The following RAB28 variants were observed in gnomAD, a reference collection of about 807,000 sequenced individuals.
The protein encoded by RAB28 is RAB28, member RAS oncogene family.
In RAB28, 24 loss-of-function variants were observed where a neutral mutation model predicts 31.7. The ratio of observed to expected loss-of-function variants is 0.76; its 90% confidence interval spans 0.55 to 1.06. The LOEUF is 1.06. RAB28 is among the 50% of genes least tolerant of loss of function. RAB28 has a pLI of 0.00. For missense variants in RAB28, 254 were observed against 258.5 expected (o/e 0.98, Z 0.12); for synonymous variants, 100 against 90.4 (o/e 1.11, Z -0.60).
chr4:13,459,098 G>C (rs1477271947), intron 4 of RAB28, among the ~76,000 whole-genome samples: 1 of 152,130 alleles, frequency 6.6e-6, no homozygotes. Context: ...TTTTTCCTGT[G>C]CTGGATGCTT....
intron 4 of RAB28, among the ~76,000 whole-genome samples, chr4:13,411,177 A>G (rs2108909497): frequency 6.6e-6 from 1 of 152,266 alleles, no homozygotes; most frequent in South Asian, 2.1e-4. Context: ...ACAACAGAAC[A>G]ATGACTATAG....
intron 3 of RAB28, among the ~76,000 whole-genome samples, chr4:13,469,232 G>A (rs1716006911): frequency 6.6e-6 from 1 of 151,956 alleles, no homozygotes; most frequent in African/African-American, 2.4e-5. Context: ...GGGAACTCCT[G>A]GATCTAATTT....
intron 5 of RAB28, among the ~76,000 whole-genome samples, chr4:13,378,984 G>A (rs1352036596): frequency 1.3e-5 from 2 of 152,022 alleles, no homozygotes; most frequent in East Asian, 3.9e-4. Flanking sequence ...ACTGAGGCGG[G>A]TGAATCACGA....
At chr4:13,425,538 T>C (rs943415666) in intron 4 of RAB28, among the ~76,000 whole-genome samples, 1 of 152,150 alleles carries the variant, frequency 6.6e-6, no homozygotes, top group Non-Finnish European at 1.5e-5. Context: ...ATTAAAGTTG[T>C]GGCTGGGTGT....
At chr4:13,383,020 G>GT (rs113850865) in intron 4 of RAB28, among the ~76,000 whole-genome samples, 9 of 151,366 alleles carry the variant, frequency 5.9e-5, no homozygotes, top group South Asian at 2.1e-4. Context: ...GCTTTGTTTT[G>GT]TTTTTTTTGC....
intron 6 of RAB28, chr4:13,370,120 C>G: frequency 4.1e-6 from 4 of 977,266 alleles, no homozygotes; most frequent in Non-Finnish European, 4.9e-6. Context: ...CACACACACA[C>G]GCACACACAA....
intron 4 of RAB28, among the ~76,000 whole-genome samples, chr4:13,389,002 A>T (rs1729507687): frequency 6.6e-6 from 1 of 152,230 alleles, no homozygotes; most frequent in African/African-American, 2.4e-5. Context: ...TGCTATTTGC[A>T]CATCCAAGTT....
At chr4:13,433,110 T>G (rs1380135257) in intron 4 of RAB28, among the ~76,000 whole-genome samples, 1 of 143,852 alleles carries the variant, frequency 7.0e-6, no homozygotes, top group Non-Finnish European at 1.5e-5. Flanking sequence ...AGTAAAGGTA[T>G]GGAGAAAGAT....
At chr4:13,398,375 G>A (rs940724258) in intron 4 of RAB28, among the ~76,000 whole-genome samples, 1 of 152,082 alleles carries the variant, frequency 6.6e-6, no homozygotes, top group African/African-American at 2.4e-5. Context: ...GATACAATGA[G>A]GCCCAAGTTC....
At position 13,484,242 on chromosome 4, in the gene RAB28, T is replaced by C; in HGVS notation, c.-92A>G. On this transcript the variant is annotated 5_prime_UTR_variant, in exon 1 of 7. Coordinates refer to ENST00000330852, the MANE Select transcript of RAB28 (RefSeq NM_001017979.3). ...CGGGGGAGAGGAGGAAGGGAGGTAGTTGCGGCAGGACCCCCGCCCCGGTGT... is the reference window on the plus strand; with the variant it reads ...CGGGGGAGAGGAGGAAGGGAGGTAGCTGCGGCAGGACCCCCGCCCCGGTGT... 7.0e-6 allele frequency: 7 copies of C among 997,562 alleles called. No homozygotes were observed. In the South Asian group the frequency reaches 8.3e-5, roughly 12 times the overall value. The allele number at this position is 997,562 out of a possible 1,614,324, so 61.8% of individuals were successfully genotyped here. A position where few individuals can be genotyped will look rare whatever the true frequency, so the allele number is the denominator to read the frequency against.
At chr4:13,394,314 T>A (rs965756723) in intron 4 of RAB28, among the ~76,000 whole-genome samples, 2 of 152,166 alleles carry the variant, frequency 1.3e-5, no homozygotes, top group Non-Finnish European at 2.9e-5. Context: ...CTGCTTCATC[T>A]CAGATCATCA....
At chr4:13,435,000 A>G (rs1309004420) in intron 4 of RAB28, among the ~76,000 whole-genome samples, 3 of 146,968 alleles carry the variant, frequency 2.0e-5, no homozygotes, top group Admixed American at 6.8e-5. Context: ...GCCTTGGCAC[A>G]GAGCAAGACT....
intron 4 of RAB28, among the ~76,000 whole-genome samples, chr4:13,425,612 A>G (rs1278531844): frequency 1.3e-5 from 2 of 152,132 alleles, no homozygotes; most frequent in African/African-American, 4.8e-5. Flanking sequence ...AGCAAACGGC[A>G]AATTTGGTCC....
chr4:13,405,794 T>A (rs1712044509), intron 4 of RAB28, among the ~76,000 whole-genome samples: 1 of 152,198 alleles, frequency 6.6e-6, no homozygotes, highest in Non-Finnish European at 1.5e-5. Flanking sequence ...AACAAGAATT[T>A]TCTATTCCTC....
chr4:13,408,943 A>C (rs1190827012), intron 4 of RAB28, among the ~76,000 whole-genome samples: 1 of 152,218 alleles, frequency 6.6e-6, no homozygotes, highest in East Asian at 1.9e-4. Flanking sequence ...ATTAAAAAGC[A>C]TATCAATGAT....
intron 4 of RAB28, among the ~76,000 whole-genome samples, chr4:13,438,703 A>G (rs1475880627): frequency 6.6e-6 from 1 of 152,156 alleles, no homozygotes; most frequent in East Asian, 1.9e-4. Flanking sequence ...CTTTTAGGCT[A>G]CTATGAATAA....
intron 4 of RAB28, among the ~76,000 whole-genome samples, chr4:13,431,719 G>A (rs1460221371): frequency 6.6e-6 from 1 of 151,826 alleles, no homozygotes; most frequent in Non-Finnish European, 1.5e-5. Flanking sequence ...AAAGCACCCA[G>A]AAACGAAGCC....
At chr4:13,414,442 A>AG (rs1490825352) in intron 4 of RAB28, among the ~76,000 whole-genome samples, 1 of 152,224 alleles carries the variant, frequency 6.6e-6, no homozygotes, top group East Asian at 1.9e-4. Context: ...CTCGTATCAA[A>AG]GGGGAACTAT....
intron 4 of RAB28, among the ~76,000 whole-genome samples, chr4:13,453,110 T>C (rs1327709582): frequency 6.6e-6 from 1 of 152,128 alleles, no homozygotes; most frequent in South Asian, 2.1e-4. Context: ...TTTTGGTTTC[T>C]GTTTGTATAG....
Sources: gnomAD v4.1 joint callset for allele counts (sites outside exome capture counted in the v4.1 genomes callset) on GRCh38, gnomAD v4.1.1 for gene constraint, MANE v1.5 for transcripts, NCBI Gene and HGNC (gene_info 2026-07-23, HGNC 2026-07-21) for gene names.